The following DLG1 variants were observed in gnomAD, a reference collection of about 807,000 sequenced individuals.
DLG1 encodes discs large MAGUK scaffold protein 1.
DLG1 carries 42 observed loss-of-function variants against 123.4 expected under a neutral mutation model. That is an observed-to-expected ratio of 0.34 (90% CI 0.27 to 0.44). DLG1 has a LOEUF of 0.44. DLG1 is among the 20% of genes least tolerant of loss of function. The pLI, the probability that DLG1 is intolerant of heterozygous loss-of-function variation, is 1.00. For synonymous variants in DLG1, 317 were observed against 356.2 expected, an observed-to-expected ratio of 0.89 and a Z score of 1.24; for missense variants, 942 against 1,082.6, an observed-to-expected ratio of 0.87 and a Z score of 1.82.
chr3:197,061,028 T>C (rs1433135798), intron 22 of DLG1, among the ~76,000 whole-genome samples: 2 of 152,028 alleles, frequency 1.3e-5, no homozygotes, highest in African/African-American at 2.4e-5. Context: ...GGTCTCAAAT[T>C]CCTGACCTCA....
chr3:197,288,730 AAAAAAAAAAAAAAATACATACATAC>A (rs1277484122), intron 3 of DLG1, among the ~76,000 whole-genome samples: 3 of 118,770 alleles, frequency 2.5e-5, no homozygotes, highest in African/African-American at 8.9e-5. Context: ...AAAAAAAAAA[AAAAAAAAAAAAAAATACATACATAC>A]ATACATACAT....
intron 24 of DLG1, among the ~76,000 whole-genome samples, chr3:197,050,060 A>AAAAC (rs759363160): frequency 6.6e-6 from 1 of 151,182 alleles, no homozygotes; most frequent in South Asian, 2.1e-4. Flanking sequence ...CCCTGCCTCA[A>AAAAC]AAACAAACAA....
chr3:197,271,433 T>C (rs1197281087), intron 4 of DLG1, among the ~76,000 whole-genome samples: 1 of 152,192 alleles, frequency 6.6e-6, no homozygotes, highest in Non-Finnish European at 1.5e-5. Flanking sequence ...TATACTATCT[T>C]CACACTTTCC....
chr3:197,055,444 A>G (rs1434795453), intron 23 of DLG1, among the ~76,000 whole-genome samples: 5 of 152,218 alleles, frequency 3.3e-5, no homozygotes, highest in Non-Finnish European at 5.9e-5. Flanking sequence ...ACACATTTAA[A>G]TCTTACAATG....
At chr3:197,105,065 A>G in intron 13 of DLG1, 60 bp from the exon 14 acceptor site, 1 of 1,105,408 alleles carries the variant, frequency 9.0e-7, no homozygotes, top group Non-Finnish European at 1.3e-6. Context: ...AGAAATCACA[A>G]TAGTCTATTC....
At chr3:197,233,060 G>A (rs1258219557) in intron 4 of DLG1, among the ~76,000 whole-genome samples, 1 of 152,050 alleles carries the variant, frequency 6.6e-6, no homozygotes, top group Non-Finnish European at 1.5e-5. Flanking sequence ...AAAATATGTA[G>A]AAAATCCTAA....
chr3:197,094,907 A>G (rs1480729734), intron 14 of DLG1, among the ~76,000 whole-genome samples: 4 of 152,146 alleles, frequency 2.6e-5, no homozygotes, highest in South Asian at 4.1e-4. Flanking sequence ...GGAATTCCAG[A>G]TATTTTTTTC....
intron 16 of DLG1, among the ~76,000 whole-genome samples, chr3:197,082,097 C>T (rs188982069): frequency 0.01 from 1,561 of 152,190 alleles, 31 homozygotes; most frequent in Middle Eastern, 0.092. Flanking sequence ...TAAGTCTTGG[C>T]GCAGTGGCTC....
intron 3 of DLG1, among the ~76,000 whole-genome samples, chr3:197,292,871 G>A (rs1668860): frequency 0.59 from 89,025 of 151,964 alleles, 26,448 homozygotes; most frequent in East Asian, 0.79. Context: ...TTGGGCCCCA[G>A]TTTTTCTCAT....
chr3:197,247,218 T>C (rs1374635634), intron 4 of DLG1, among the ~76,000 whole-genome samples: 1 of 152,212 alleles, frequency 6.6e-6, no homozygotes, highest in Non-Finnish European at 1.5e-5. Flanking sequence ...AATATCTTTG[T>C]TGCACTGTTT....
intron 4 of DLG1, among the ~76,000 whole-genome samples, chr3:197,259,590 A>G (rs907589843): frequency 5.9e-5 from 9 of 152,210 alleles, no homozygotes; most frequent in South Asian, 2.1e-4. Context: ...TTAAAAACCA[A>G]TGGATGAATT....
chr3:197,268,073 A>G (rs1762438427), intron 4 of DLG1, among the ~76,000 whole-genome samples: 1 of 152,218 alleles, frequency 6.6e-6, no homozygotes, highest in Non-Finnish European at 1.5e-5. Flanking sequence ...ATTTTGCAAT[A>G]AACATGTATC....
chr3:197,087,501 C>T (rs1437890266), intron 15 of DLG1, among the ~76,000 whole-genome samples: 1 of 151,994 alleles, frequency 6.6e-6, no homozygotes, highest in Non-Finnish European at 1.5e-5. Flanking sequence ...GCCAACAGGG[C>T]AAGACCCCAT....
chr3:197,245,701 A>C (rs892141333), intron 4 of DLG1, among the ~76,000 whole-genome samples: 1 of 152,008 alleles, frequency 6.6e-6, no homozygotes, highest in African/African-American at 2.4e-5. Context: ...TTTGGCTCCT[A>C]TTTTTATTAA....
chr3:197,061,755 C>T (rs1735991019), intron 22 of DLG1, among the ~76,000 whole-genome samples: 1 of 152,102 alleles, frequency 6.6e-6, no homozygotes, highest in Non-Finnish European at 1.5e-5. Context: ...CTTAGTCCAT[C>T]ATATCTGGGA....
chr3:197,174,223 A>G (rs186619423), intron 5 of DLG1, among the ~76,000 whole-genome samples: 2 of 152,344 alleles, frequency 1.3e-5, no homozygotes, highest in East Asian at 1.9e-4. Flanking sequence ...AGAAAATAGA[A>G]AATGGCTTTA....
At chr3:197,246,904 A>C (rs1012750975) in intron 4 of DLG1, among the ~76,000 whole-genome samples, 5 of 152,168 alleles carry the variant, frequency 3.3e-5, no homozygotes, top group African/African-American at 1.2e-4. Flanking sequence ...GGATGTTCAC[A>C]TTCCCAGACT....
At chr3:197,058,089 C>G (rs999210194) in intron 23 of DLG1, among the ~76,000 whole-genome samples, 1 of 151,886 alleles carries the variant, frequency 6.6e-6, no homozygotes, top group Non-Finnish European at 1.5e-5. Context: ...AGCAATCCCC[C>G]CATCTCAGCA....
intron 5 of DLG1, among the ~76,000 whole-genome samples, chr3:197,162,809 T>C (rs527506308): frequency 1.6e-4 from 24 of 152,176 alleles, no homozygotes; most frequent in Non-Finnish European, 7.3e-5. Context: ...GATTTGGTAA[T>C]GGAACCTTAG....
Sources: gnomAD v4.1 joint callset for allele counts (sites outside exome capture counted in the v4.1 genomes callset) on GRCh38, gnomAD v4.1.1 for gene constraint, MANE v1.5 for transcripts, NCBI Gene and HGNC (gene_info 2026-07-23, HGNC 2026-07-21) for gene names.